The following USP20 variants were observed in gnomAD, a reference collection of about 807,000 sequenced individuals.
USP20 encodes ubiquitin carboxyl-terminal hydrolase 20.
A neutral mutation model predicts 124.2 loss-of-function variants in USP20; 80 were observed. That is an observed-to-expected ratio of 0.64 (90% CI 0.54 to 0.78). The LOEUF is 0.78. Among genes scored for constraint, USP20 ranks in the 30% least tolerant of loss-of-function variants. The pLI is 0.00. For missense variants in USP20, 1,043 were observed against 1,244.4 expected (o/e 0.84, Z 2.44); for synonymous variants, 481 against 512.3 (o/e 0.94, Z 0.83).
chr9:129,863,311 C>T lies in USP20; in HGVS notation c.611+12C>T, dbSNP rs569125073. 1.2e-4 allele frequency: 183 copies of T among 1,537,262 alleles called. 1 individual carries two copies. In the South Asian group the frequency reaches 2.1e-3, roughly 18 times the overall value. On this transcript the variant is annotated intron_variant, in intron 9 of 25. Transcript: ENST00000372429. ...TGGCATAAGAAACGGTGAGCAGCTG[C>T]ATCCCTAGCCTTGGGCGGTGTGTGG... is the stretch of plus-strand genomic sequence containing the variant.
At chr9:129,860,365 A>G (rs1361198488) in intron 6 of USP20, among the ~76,000 whole-genome samples, 1 of 151,594 alleles carries the variant, frequency 6.6e-6, no homozygotes, top group Non-Finnish European at 1.5e-5. Flanking sequence ...TAAGATACAT[A>G]CAGACTATTA....
At chr9:129,860,798 C>CT (rs1385207905) in intron 6 of USP20, 139 bp from the exon 7 acceptor site, 1 of 811,602 alleles carries the variant, frequency 1.2e-6, no homozygotes, top group Non-Finnish European at 2.1e-6. Flanking sequence ...TTCACAGTAC[C>CT]TTCTGCTCAG....
intron 3 of USP20, among the ~76,000 whole-genome samples, chr9:129,854,142 A>G (rs2033090762): frequency 6.6e-6 from 1 of 152,250 alleles, no homozygotes; most frequent in Admixed American, 6.5e-5. Flanking sequence ...ATGGGCGGAA[A>G]GAGACTGATC....
chr9:129,873,525 C>A lies in USP20; in HGVS notation c.1694+10C>A, dbSNP rs376052182. 126 of 1,613,992 alleles carry A rather than the reference C, an allele frequency of 7.8e-5. No individual in the cohort carries two copies. The highest frequency in any genetic ancestry group is 9.8e-5 in the Non-Finnish European group (116 of 1,180,008). On this transcript the variant is annotated intron_variant, in intron 16 of 25. Transcript: ENST00000372429. Reference sequence around the variant, plus strand: ...GTGAGCGGTGTAAGAAGTAAGTGAGCCTTCCCCCGCCTTCTCCCTAACTGC... The same window carrying A: ...GTGAGCGGTGTAAGAAGTAAGTGAGACTTCCCCCGCCTTCTCCCTAACTGC...
At chr9:129,878,273 C>A in intron 22 of USP20, 65 bp from the exon 23 acceptor site, 2 of 1,358,704 alleles carry the variant, frequency 1.5e-6, no homozygotes, top group Non-Finnish European at 2.1e-6. Flanking sequence ...TTTGGGAAAT[C>A]CTTGCTGAAG....
intron 2 of USP20, 103 bp downstream of exon 2, chr9:129,850,027 T>C (rs1230022263): frequency 6.6e-6 from 1 of 152,018 alleles, no homozygotes; most frequent in Non-Finnish European, 1.5e-5. Flanking sequence ...ATGGGGTTTT[T>C]TTTTTTAAGT....
At chr9:129,855,758 G>C (rs953204524) in intron 3 of USP20, among the ~76,000 whole-genome samples, 1 of 152,186 alleles carries the variant, frequency 6.6e-6, no homozygotes, top group Non-Finnish European at 1.5e-5. Context: ...GTTAAAGCAA[G>C]GAGGAGAGAA....
At chr9:129,842,272 A>G (rs2032258237) in intron 1 of USP20, among the ~76,000 whole-genome samples, 1 of 152,166 alleles carries the variant, frequency 6.6e-6, no homozygotes, top group Admixed American at 6.5e-5. Flanking sequence ...TTCCTTCCAT[A>G]GTGACCGTTA....
chr9:129,867,061 C>T (rs1274648087), intron 10 of USP20, among the ~76,000 whole-genome samples: 7 of 152,174 alleles, frequency 4.6e-5, no homozygotes, highest in Admixed American at 6.5e-5. Context: ...CTACGTGACC[C>T]CTGCCTCCTG....
chr9:129,868,945 A>AG lies in USP20; in HGVS notation c.1220dup (p.Ser407ArgfsTer44). 1 of 1,612,654 alleles carries AG rather than the reference A, an allele frequency of 6.2e-7. No individual in the cohort carries two copies. Among genetic ancestry groups the AG allele is most frequent in the South Asian group, 1.1e-5 (1 of 90,900 alleles). On this transcript the variant is annotated frameshift_variant, in exon 12 of 26. Coordinates refer to ENST00000372429, the MANE Select transcript of USP20 (RefSeq NM_001110303.4). LOFTEE classifies it high-confidence loss of function. ...CCACGAGGGCCATGCCAAGCTGTCTAGCAGCCCCCCTCGTGCAAGCCCCGT... is the reference window on the plus strand; with the variant it reads ...CCACGAGGGCCATGCCAAGCTGTCTAGGCAGCCCCCCTCGTGCAAGCCCCGT...
chr9:129,873,513 G>A lies in USP20; in HGVS notation c.1692G>A (p.Lys564=). ...ACATGTACAGCTGTGAGCGGTGTAAGAAGTAAGTGAGCCTTCCCCCGCCTT... is the reference window on the plus strand; with the variant it reads ...ACATGTACAGCTGTGAGCGGTGTAAAAAGTAAGTGAGCCTTCCCCCGCCTT... The part of the protein sequence containing the change: ...GDNMYSCERC[K]KLRNGVKYCK... Residue 564 remains lysine, a splice_region_variant and synonymous_variant, in exon 16 of 26, where the codon AAG becomes AAA. Transcript: ENST00000372429. 1 of 1,614,186 alleles carries A rather than the reference G, an allele frequency of 6.2e-7. No individual in the cohort carries two copies. The highest frequency in any genetic ancestry group is 1.1e-5 in the South Asian group (1 of 91,082).
At chr9:129,849,626 G>C (rs973614573) in intron 1 of USP20, among the ~76,000 whole-genome samples, 187 bp from the exon 2 acceptor site, 10 of 152,126 alleles carry the variant, frequency 6.6e-5, no homozygotes, top group Admixed American at 1.3e-4. Context: ...AGGTGGGTGT[G>C]GTGGTGCACA....
intron 1 of USP20, among the ~76,000 whole-genome samples, chr9:129,843,292 T>C (rs948252877): frequency 6.6e-5 from 10 of 151,846 alleles, no homozygotes; most frequent in Non-Finnish European, 1.3e-4. Flanking sequence ...TATGTGGGTG[T>C]GATGGTGGAT....
intron 6 of USP20, among the ~76,000 whole-genome samples, chr9:129,859,009 A>G (rs1291544386): frequency 1.3e-5 from 2 of 152,100 alleles, no homozygotes; most frequent in Non-Finnish European, 2.9e-5. Flanking sequence ...AATTCCAGGT[A>G]GTTGCTACAG....
At chr9:129,841,449 A>G (rs531392519) in intron 1 of USP20, among the ~76,000 whole-genome samples, 80 of 152,348 alleles carry the variant, frequency 5.3e-4, no homozygotes, top group African/African-American at 1.8e-3. Context: ...CAGCATATGA[A>G]TGGGGGAGAG....
At chr9:129,869,079 C>T in intron 12 of USP20, 77 bp downstream of exon 12, 18 of 1,498,578 alleles carry the variant, frequency 1.2e-5, no homozygotes, top group Non-Finnish European at 1.5e-5. Flanking sequence ...TTCTCATGGC[C>T]CCCTGTGGCG....
Position 129,879,306 on chromosome 9 carries a change from G to A in USP20, c.2513-267G>A. 2.2e-6 allele frequency: 1 copy of A among 462,598 alleles called. No homozygotes were observed. The highest frequency in any genetic ancestry group is 3.9e-6 in the Non-Finnish European group (1 of 259,168). 28.7% of individuals were successfully genotyped at this position (462,598 alleles called of 1,614,324 possible). On this transcript the variant is annotated intron_variant, in intron 23 of 25. Coordinates refer to ENST00000372429, the MANE Select transcript of USP20 (RefSeq NM_001110303.4). This position sits in a 1 kb window ranked among gnomAD's most constrained non-coding sequence, Gnocchi z 4.2. ...AGGGGAAGGGGCGTGGTGAGCGGCA[G>A]CTGCCAGCAGAGATAAGGGCATGGG...
At chr9:129,873,148 C>G (rs923565090) in intron 15 of USP20, among the ~76,000 whole-genome samples, 2 of 128,310 alleles carry the variant, frequency 1.6e-5, no homozygotes, top group African/African-American at 5.7e-5. Flanking sequence ...GTGGCATCAG[C>G]TCACTGCAGC....
intron 13 of USP20, 74 bp downstream of exon 13, chr9:129,869,499 C>A: frequency 1.3e-6 from 2 of 1,550,038 alleles, no homozygotes; most frequent in African/African-American, 2.7e-5. Flanking sequence ...TGACTGGGTG[C>A]AGGGTGGGCT....
Sources: allele counts gnomAD v4.1 joint callset (sites outside exome capture counted in the v4.1 genomes callset), GRCh38; gene constraint gnomAD v4.1.1; non-coding constraint Gnocchi (gnomAD v3.1); transcripts MANE v1.5; gene names NCBI Gene and HGNC (gene_info 2026-07-23, HGNC 2026-07-21).